The following GRIN2B variants were observed in gnomAD, a reference collection of about 807,000 sequenced individuals.
GRIN2B encodes glutamate receptor ionotropic, NMDA 2B.
Under a neutral mutation model 114.5 loss-of-function variants are expected in GRIN2B, and 5 were observed. That is an observed-to-expected ratio of 0.04 (90% CI 0.02 to 0.09). The LOEUF is 0.09. GRIN2B is among the 10% of genes least tolerant of loss of function. The probability of loss-of-function intolerance (pLI) is 1.00; values close to 1 mark genes in which losing one functional copy is unlikely to be tolerated. For missense variants in GRIN2B, 1,108 were observed against 1,943.5 expected, an observed-to-expected ratio of 0.57 and a Z score of 8.08; for synonymous variants, 787 against 745.1, an observed-to-expected ratio of 1.06 and a Z score of -0.92.
Position 13,817,830 on chromosome 12 carries a change from G to T in GRIN2B, c.411+47968C>A, listed in dbSNP as rs145879617. Among the ~76,000 whole-genome samples the T allele has an allele frequency of 3.5e-3, 538 of 152,298 alleles. 10 individuals carry two copies. The highest frequency in any genetic ancestry group is 0.026 in the East Asian group (137 of 5,182). On this transcript the variant is annotated intron_variant, in intron 3 of 13. Transcript: ENST00000609686. ...ATGCTCTGTCATTATTTCTATACCT[G>T]AAAATTCTCCTGTCTACCTTGCTGA...
intron 3 of GRIN2B, among the ~76,000 whole-genome samples, chr12:13,814,569 A>AT (rs1171232354): frequency 6.6e-6 from 1 of 152,162 alleles, no homozygotes; most frequent in African/African-American, 2.4e-5. Context: ...ACCATTACAG[A>AT]TTTTCACAAG....
In GRIN2B at chr12:13,782,335, A is replaced by G. The variant is rs189820266; in HGVS notation, c.412-28420T>C. 2.1e-3 allele frequency among the ~76,000 whole-genome samples: 312 copies of G among 152,146 alleles called. 1 individual carries two copies. Among genetic ancestry groups the G allele is most frequent in the African/African-American group, 7.0e-3 (292 of 41,506 alleles). ...CTCCCCGCTCCCTCTCTCTTTATAT[A>G]TATATCTCTCTTCTGCTAACAGCCC... On this transcript the variant is annotated intron_variant, in intron 3 of 13. Transcript: ENST00000609686.
At chr12:13,644,251 T>C (rs1309051204) in intron 5 of GRIN2B, among the ~76,000 whole-genome samples, 3 of 152,164 alleles carry the variant, frequency 2.0e-5, no homozygotes, top group Non-Finnish European at 4.4e-5. Context: ...TGAAAAAACA[T>C]TAATGTCCTT....
chr12:13,625,583 C>T (rs1169503778), intron 5 of GRIN2B, among the ~76,000 whole-genome samples: 1 of 152,176 alleles, frequency 6.6e-6, no homozygotes, highest in Non-Finnish European at 1.5e-5. Flanking sequence ...AACATCAGTG[C>T]AGCTCCTTAA....
At chr12:13,929,076 G>A (rs549647597) in intron 2 of GRIN2B, among the ~76,000 whole-genome samples, 2 of 152,232 alleles carry the variant, frequency 1.3e-5, no homozygotes, top group Non-Finnish European at 2.9e-5. Flanking sequence ...CAGTTAGTAA[G>A]TATAGAGCTA....
intron 5 of GRIN2B, among the ~76,000 whole-genome samples, chr12:13,669,405 C>A (rs1168053543): frequency 6.6e-6 from 1 of 152,030 alleles, no homozygotes; most frequent in Non-Finnish European, 1.5e-5. Context: ...GTCTTCTAAT[C>A]CCTTAATCCA....
intron 3 of GRIN2B, among the ~76,000 whole-genome samples, chr12:13,764,457 C>T (rs143250129): frequency 3.3e-4 from 51 of 152,278 alleles, no homozygotes; most frequent in African/African-American, 1.2e-3. Context: ...CGGCTAACAC[C>T]GTTGGCCCAA....
chr12:13,627,991 G>A (rs1949585402), intron 5 of GRIN2B, among the ~76,000 whole-genome samples: 1 of 152,238 alleles, frequency 6.6e-6, no homozygotes, highest in African/African-American at 2.4e-5. Flanking sequence ...AACCAAGTAA[G>A]TGGCAGAAAC....
chr12:13,763,261 C>T (rs1183850913), intron 3 of GRIN2B, among the ~76,000 whole-genome samples: 1 of 152,176 alleles, frequency 6.6e-6, no homozygotes, highest in Non-Finnish European at 1.5e-5. Context: ...CTCACCGACA[C>T]CATCTTCTAA....
intron 5 of GRIN2B, among the ~76,000 whole-genome samples, chr12:13,663,211 A>T (rs1439270447): frequency 6.6e-6 from 1 of 152,148 alleles, no homozygotes; most frequent in Non-Finnish European, 1.5e-5. Flanking sequence ...CATCCCCTTT[A>T]TGTTCAACTA....
At chr12:13,867,963 T>C (rs918490557) in intron 2 of GRIN2B, among the ~76,000 whole-genome samples, 5 of 151,816 alleles carry the variant, frequency 3.3e-5, no homozygotes, top group Admixed American at 2.0e-4. Context: ...CATGACAGTA[T>C]TGAATAAAGA....
At chr12:13,769,707 C>T (rs1488717336) in intron 3 of GRIN2B, among the ~76,000 whole-genome samples, 3 of 152,244 alleles carry the variant, frequency 2.0e-5, no homozygotes, top group African/African-American at 7.2e-5. Flanking sequence ...ATCGCCTTCA[C>T]AGGCATAGCA....
At chr12:13,591,064 T>A (rs985891774) in intron 10 of GRIN2B, among the ~76,000 whole-genome samples, 7 of 152,142 alleles carry the variant, frequency 4.6e-5, no homozygotes, top group African/African-American at 1.7e-4. Context: ...CATCCAGGCA[T>A]CCTCGGAGCC....
chr12:13,799,642 G>C (rs1220574069), intron 3 of GRIN2B, among the ~76,000 whole-genome samples: 7 of 152,018 alleles, frequency 4.6e-5, no homozygotes, highest in Non-Finnish European at 8.8e-5. Flanking sequence ...GTGCCATTAT[G>C]GGTCTATTTA....
At chr12:13,675,676 C>T (rs1950066534) in intron 5 of GRIN2B, 69 bp downstream of exon 5, 4 of 955,502 alleles carry the variant, frequency 4.2e-6, no homozygotes, top group South Asian at 1.3e-5. Context: ...GACTACTTTC[C>T]TTCATTGTGT....
chr12:13,743,860 A>G (rs1279469100), intron 4 of GRIN2B, among the ~76,000 whole-genome samples: 1 of 152,192 alleles, frequency 6.6e-6, no homozygotes, highest in Non-Finnish European at 1.5e-5. Context: ...TTTTTTGTCT[A>G]ACACTAAATG....
At chr12:13,679,908 A>C (rs1193707781) in intron 4 of GRIN2B, among the ~76,000 whole-genome samples, 1 of 152,192 alleles carries the variant, frequency 6.6e-6, no homozygotes, top group Non-Finnish European at 1.5e-5. Flanking sequence ...TGTTGTGATG[A>C]CCAAATGAAA....
At chr12:13,664,619 A>G (rs918092916) in intron 5 of GRIN2B, among the ~76,000 whole-genome samples, 1 of 152,226 alleles carries the variant, frequency 6.6e-6, no homozygotes, top group Non-Finnish European at 1.5e-5. Context: ...ACACTGATGC[A>G]GCAATGATGA....
chr12:13,594,204 A>G (rs921203038), intron 10 of GRIN2B, among the ~76,000 whole-genome samples: 10 of 152,188 alleles, frequency 6.6e-5, no homozygotes, highest in African/African-American at 2.2e-4. Flanking sequence ...AAATCTTTCT[A>G]CTATAAAGAC....
Sources: allele counts gnomAD v4.1 joint callset (sites outside exome capture counted in the v4.1 genomes callset), GRCh38; gene constraint gnomAD v4.1.1; transcripts MANE v1.5; gene names NCBI Gene and HGNC (gene_info 2026-07-23, HGNC 2026-07-21).